The following RBCK1 variants were observed in gnomAD, a reference collection of about 807,000 sequenced individuals.
The protein encoded by RBCK1 is ranBP-type and C3HC4-type zinc finger-containing protein 1.
In RBCK1, 44 loss-of-function variants were observed where a neutral mutation model predicts 71.1. That is an observed-to-expected ratio of 0.62 (90% confidence interval 0.49 to 0.80). RBCK1 has a LOEUF of 0.80. Ranked by LOEUF, RBCK1 falls within the 30% of genes least tolerant of loss-of-function variation. RBCK1 has a pLI of 0.00. For missense variants in RBCK1, 569 were observed against 685.0 expected, an observed-to-expected ratio of 0.83 and a Z score of 1.89; for synonymous variants, 306 against 279.7, an observed-to-expected ratio of 1.09 and a Z score of -0.94.
intron 8 of RBCK1, 97 bp from the exon 9 acceptor site, chr20:427,216 T>G (rs1396139630): frequency 8.1e-7 from 1 of 1,242,158 alleles, no homozygotes; most frequent in Non-Finnish European, 1.1e-6. Context: ...TGGGTTGGAG[T>G]TTCTGGGCTG....
Position 420,988 on chromosome 20 carries a change from G to C in RBCK1, c.874G>C (p.Gly292Arg). Residue 292 changes from glycine to arginine, a missense_variant, in exon 7 of 12, where the codon GGC becomes CGC. Physicochemically the swap from Gly to Arg is moderately radical, Grantham distance 125 (BLOSUM62 -2). Transcript: ENST00000356286. The part of the protein sequence containing the change: ...CPVCYSVLAP[G>R]EAVVLRECLH... ...CGTGTGCTACTCGGTGCTGGCGCCC[G>C]GCGAGGCCGTGGTGCTGCGTGAGTG... 1.9e-6 allele frequency: 3 copies of C among 1,565,000 alleles called. No homozygotes were observed. The highest frequency in any genetic ancestry group is 2.6e-6 in the Non-Finnish European group (3 of 1,156,014).
chr20:425,691 A>C (rs2016676063), intron 8 of RBCK1, among the ~76,000 whole-genome samples: 1 of 138,886 alleles, frequency 7.2e-6, no homozygotes, highest in East Asian at 2.1e-4. Context: ...CATTGGTGTG[A>C]TCTTGGCTCA....
chr20:418,534 AATT>A (rs1229886314), intron 4 of RBCK1, among the ~76,000 whole-genome samples: 1 of 151,910 alleles, frequency 6.6e-6, no homozygotes, highest in Admixed American at 6.6e-5. Flanking sequence ...ACGCCCGGCT[AATT>A]TTTTATATTT....
chr20:420,421 C>G (rs1207033491), intron 6 of RBCK1: 2 of 984,566 alleles, frequency 2.0e-6, no homozygotes, highest in South Asian at 9.4e-5. Context: ...CTCCTGTTCC[C>G]GTCTCAGCTC....
At position 430,540 on chromosome 20, in the gene RBCK1, C is replaced by A; in HGVS notation, c.*110C>A. 9.3e-7 allele frequency: 1 copy of A among 1,076,734 alleles called. No homozygotes were observed. Among genetic ancestry groups the A allele is most frequent in the Non-Finnish European group, 1.4e-6 (1 of 720,686 alleles). The allele number at this position is 1,076,734 out of a possible 1,614,324, so 66.7% of individuals were successfully genotyped here. A position where few individuals can be genotyped will look rare whatever the true frequency, so the allele number is the denominator to read the frequency against. On this transcript the variant is annotated 3_prime_UTR_variant, in exon 12 of 12. Coordinates refer to ENST00000356286, the MANE Select transcript of RBCK1 (RefSeq NM_031229.4). The surrounding 1 kb of genome is among the most constrained non-coding windows in gnomAD (Gnocchi z 5.6). ...TTGCTTGCTGTAGCGTTGTAGGGGC[C>A]CTGCCTGCACTGCGGTTGTCCACGG...
chr20:419,579 T>G lies in RBCK1; in HGVS notation c.604T>G (p.Cys202Gly). The G allele has an allele frequency of 6.2e-7, 1 of 1,604,990 alleles. No homozygotes were observed. The highest frequency in any genetic ancestry group is 8.5e-7 in the Non-Finnish European group (1 of 1,176,364). Residue 202 changes from cysteine (C) to glycine (G), a missense_variant, in exon 6 of 12, where the codon TGC (cysteine) becomes GGC (glycine). This residue lies in a region of RBCK1 where 358 missense variants were observed against 375.6 expected (regional missense o/e 0.95). Coordinates refer to ENST00000356286, the MANE Select transcript of RBCK1 (RefSeq NM_031229.4). ...PPPVGWQCPG[C>G]TFINKPTRPG... is the part of the protein sequence containing the mutation. ...CCAGGTGGGCTGGCAGTGCCCCGGGTGCACCTTCATCAACAAGCCCACGCG... is the reference window on the plus strand; with the variant it reads ...CCAGGTGGGCTGGCAGTGCCCCGGGGGCACCTTCATCAACAAGCCCACGCG...
Position 419,665 on chromosome 20 carries a change from C to G in RBCK1, c.690C>G (p.Tyr230Ter). 6.3e-7 allele frequency: 1 copy of G among 1,582,736 alleles called. No individual in the cohort carries two copies. Among genetic ancestry groups the G allele is most frequent in the Non-Finnish European group, 8.6e-7 (1 of 1,167,054 alleles). ...RPEAYQVPAS[Y>*]QPDEEERARL... Reference sequence around the variant, plus strand: ...AGGCCTACCAGGTCCCCGCCTCATACCAGCCCGACGAGGAGGAGCGAGCGC... The same window carrying G: ...AGGCCTACCAGGTCCCCGCCTCATAGCAGCCCGACGAGGAGGAGCGAGCGC... Residue 230 changes from tyrosine to a stop codon, truncating the protein, a stop_gained, in exon 6 of 12, where the codon TAC becomes TAG. Transcript: ENST00000356286. LOFTEE classifies it high-confidence loss of function.
rs1222690503 is a variant in RBCK1, at chr20:409,581, G to A, written c.23-300G>A. 2.0e-5 allele frequency among the ~76,000 whole-genome samples: 3 copies of A among 152,240 alleles called. No homozygotes were observed. In the East Asian group the frequency reaches 5.8e-4, roughly 29 times the overall value. On this transcript the variant is annotated intron_variant, in intron 1 of 11. Coordinates refer to ENST00000356286, the MANE Select transcript of RBCK1 (RefSeq NM_031229.4). ...TGGGATTCCAGTTCCTGGGACAGTG[G>A]GTGGCACACAGTAGAAGCTCAATAA...
chr20:421,182 G>T, intron 7 of RBCK1, 151 bp downstream of exon 7: 3 of 1,016,878 alleles, frequency 3.0e-6, no homozygotes, highest in Non-Finnish European at 4.2e-6. Context: ...TGTTGCGGAC[G>T]AGGAACCTGA....
intron 2 of RBCK1, among the ~76,000 whole-genome samples, chr20:416,916 G>A (rs754143920): frequency 3.9e-5 from 6 of 152,188 alleles, no homozygotes; most frequent in Non-Finnish European, 8.8e-5. Flanking sequence ...AAGAGCCCAG[G>A]AGGTTGATAC....
chr20:409,456 C>T (rs1184666132), intron 1 of RBCK1, among the ~76,000 whole-genome samples: 1 of 150,700 alleles, frequency 6.6e-6, no homozygotes, highest in African/African-American at 2.4e-5. Flanking sequence ...CAGCAAGGAT[C>T]GCAATCTGAC....
rs1297321825 is a variant in RBCK1, at chr20:417,873, A to G, written c.403A>G (p.Asn135Asp). 1.9e-6 allele frequency: 3 copies of G among 1,613,310 alleles called. No individual in the cohort carries two copies. The highest frequency in any genetic ancestry group is 2.5e-6 in the Non-Finnish European group (3 of 1,180,012). Reference protein sequence around the residue: ...SAYLYLLSARNTSLNPQELQR... With the variant: ...SAYLYLLSARDTSLNPQELQR... ...CTACCTCTATCTGCTGTCAGCCCGCAACACCTCCCTCAACCCTCAGGAGCT... is the reference window on the plus strand; with the variant it reads ...CTACCTCTATCTGCTGTCAGCCCGCGACACCTCCCTCAACCCTCAGGAGCT... The change falls in exon 4 of 12, where the codon AAC becomes GAC. Residue 135 changes from asparagine to aspartate, a missense_variant. Physicochemically the swap from Asn to Asp is conservative, Grantham distance 23 (BLOSUM62 1). Around this residue, in one of 2 missense-constraint regions of RBCK1, gnomAD observed 358 missense variants for 375.6 expected, o/e 0.95. Transcript: ENST00000356286. The surrounding 1 kb of genome is among the most constrained non-coding windows in gnomAD (Gnocchi z 4.7).
chr20:430,618 T>A lies in RBCK1; in HGVS notation c.*188T>A. The stretch of plus-strand genomic sequence containing the variant: ...TCCCTTGGGGCTTGCCGGCCAGACT[T>A]CTCTCCCCTGCGGCTCCCACCTCTG... On this transcript the variant is annotated 3_prime_UTR_variant, in exon 12 of 12. Transcript: ENST00000356286. The surrounding 1 kb of genome is among the most constrained non-coding windows in gnomAD (Gnocchi z 5.6). The A allele has an allele frequency of 1.6e-6, 1 of 629,600 alleles. No homozygotes were observed. Among genetic ancestry groups the A allele is most frequent in the South Asian group, 1.9e-5 (1 of 53,630 alleles). The allele number at this position is 629,600 out of a possible 1,614,324, so 39.0% of individuals were successfully genotyped here. A position where few individuals can be genotyped will look rare whatever the true frequency, so the allele number is the denominator to read the frequency against.
chr20:420,893 G>A lies in RBCK1; in HGVS notation c.779G>A (p.Gly260Glu). The A allele has an allele frequency of 6.4e-7, 1 of 1,555,040 alleles. No individual in the cohort carries two copies. The highest frequency in any genetic ancestry group is 8.7e-7 in the Non-Finnish European group (1 of 1,151,652). The part of the protein sequence containing the change: ...YQQRKQQQQE[G>E]NYLQHVQLDQ... ...CAGCGGAAGCAGCAGCAGCAGGAGG[G>A]GAACTACCTGCAGCACGTCCAGCTG... is the stretch of plus-strand genomic sequence containing the variant. The change falls in exon 7 of 12, where the codon GGG (glycine) becomes GAG (glutamate). Residue 260 changes from glycine (G) to glutamate (E), a missense_variant. Coordinates refer to ENST00000356286, the MANE Select transcript of RBCK1 (RefSeq NM_031229.4).
intron 4 of RBCK1, among the ~76,000 whole-genome samples, chr20:418,408 G>A (rs577067705): frequency 2.7e-4 from 41 of 151,606 alleles, no homozygotes; most frequent in Admixed American, 9.8e-4. Context: ...TCGCTCTGTC[G>A]CCCAGGCTGG....
intron 8 of RBCK1, among the ~76,000 whole-genome samples, chr20:423,516 T>G (rs2016551615): frequency 6.6e-6 from 1 of 152,082 alleles, no homozygotes; most frequent in South Asian, 2.1e-4. Context: ...CAAAAAAAAT[T>G]ACAATAAAAA....
At chr20:410,330 G>T (rs1357869045) in intron 2 of RBCK1, 2 of 720,566 alleles carry the variant, frequency 2.8e-6, no homozygotes, top group Non-Finnish European at 5.1e-6. Flanking sequence ...TGATGGCAGG[G>T]AGTCCAGATA....
At chr20:412,428 C>T (rs538152074) in intron 2 of RBCK1, among the ~76,000 whole-genome samples, 48 of 151,880 alleles carry the variant, frequency 3.2e-4, no homozygotes, top group Non-Finnish European at 6.2e-4. Flanking sequence ...TCAAGTGATT[C>T]TCCTGCCCCA....
chr20:411,091 C>T (rs2122179585), intron 2 of RBCK1, among the ~76,000 whole-genome samples: 1 of 152,322 alleles, frequency 6.6e-6, no homozygotes, highest in Admixed American at 6.5e-5. Flanking sequence ...CTCTAGGGAT[C>T]TACCTTCTGG....
Sources: gnomAD v4.1 joint callset for allele counts (sites outside exome capture counted in the v4.1 genomes callset) on GRCh38, gnomAD v4.1.1 for gene constraint, gnomAD v4.1.1 regional missense constraint, Gnocchi (gnomAD v3.1) non-coding constraint, MANE v1.5 for transcripts, NCBI Gene and HGNC (gene_info 2026-07-23, HGNC 2026-07-21) for gene names.